The following NAA11 variants were observed in gnomAD, a reference collection of about 807,000 sequenced individuals.
NAA11 encodes N-alpha-acetyltransferase 11, NatA catalytic subunit.
A neutral mutation model predicts 16.1 loss-of-function variants in NAA11; 15 were observed. The ratio of observed to expected loss-of-function variants is 0.93; its 90% CI spans 0.62 to 1.44. The LOEUF is 1.44. Ranked by LOEUF, NAA11 falls within the 40% of genes most tolerant of loss-of-function variation. The pLI, the probability that NAA11 is intolerant of heterozygous loss-of-function variation, is 0.00. For missense variants in NAA11, 298 were observed against 291.3 expected, an observed-to-expected ratio of 1.02 and a Z score of -0.17; for synonymous variants, 122 against 112.4, an observed-to-expected ratio of 1.09 and a Z score of -0.54.
intron 1 of NAA11, among the ~76,000 whole-genome samples, chr4:79,303,471 T>C (rs537112684): frequency 2.0e-5 from 3 of 152,190 alleles, no homozygotes; most frequent in Admixed American, 1.3e-4. Flanking sequence ...CTTTGTTAAT[T>C]ACAGTGATGA....
the NAA11 span, among the ~76,000 whole-genome samples, chr4:79,207,255 G>A: frequency 2.0e-5 from 3 of 151,704 alleles, no homozygotes; most frequent in African/African-American, 7.3e-5. Flanking sequence ...AGTGGTGAAA[G>A]TGGGCAGCGG....
At chr4:79,286,125 T>C (rs955176807) in intron 2 of NAA11, among the ~76,000 whole-genome samples, 1 of 152,126 alleles carries the variant, frequency 6.6e-6, no homozygotes, top group Non-Finnish European at 1.5e-5. Context: ...GCAGAACATA[T>C]GTTGCTCATT....
At chr4:79,237,699 C>A (rs1721600955) in intron 2 of NAA11, among the ~76,000 whole-genome samples, 1 of 152,110 alleles carries the variant, frequency 6.6e-6, no homozygotes, top group South Asian at 2.1e-4. Flanking sequence ...TTGATTAGTG[C>A]AGAAACTTAG....
At chr4:79,219,711 T>C in the NAA11 span, among the ~76,000 whole-genome samples, 1 of 152,222 alleles carries the variant, frequency 6.6e-6, no homozygotes, top group African/African-American at 2.4e-5. Flanking sequence ...TTTTGCTATA[T>C]TACTTTGTAT....
intron 2 of NAA11, chr4:79,259,181 A>C (rs945712247): frequency 2.0e-5 from 3 of 152,698 alleles, no homozygotes; most frequent in African/African-American, 7.2e-5. Context: ...GGCAGGGCTG[A>C]AAGAGCTGTG....
chr4:79,182,082 G>A, the NAA11 span, among the ~76,000 whole-genome samples: 2 of 152,166 alleles, frequency 1.3e-5, no homozygotes, highest in African/African-American at 4.8e-5. Flanking sequence ...AGAGTCACAA[G>A]TAATAACTAT....
chr4:79,254,231 A>G (rs1249463042), intron 2 of NAA11, among the ~76,000 whole-genome samples: 3 of 152,250 alleles, frequency 2.0e-5, no homozygotes, highest in Non-Finnish European at 4.4e-5. Flanking sequence ...GTCCATCACA[A>G]AGGGGGTCCC....
At chr4:79,209,857 C>CA in the NAA11 span, among the ~76,000 whole-genome samples, 4 of 151,954 alleles carry the variant, frequency 2.6e-5, no homozygotes, top group Non-Finnish European at 5.9e-5. Context: ...ACAAGCCTGG[C>CA]AAACACGGCA....
chr4:79,273,755 G>A (rs915059192), intron 2 of NAA11, among the ~76,000 whole-genome samples: 4 of 152,020 alleles, frequency 2.6e-5, no homozygotes, highest in African/African-American at 9.7e-5. Context: ...AAGAAGTTAA[G>A]CATATTGCAG....
intron 2 of NAA11, among the ~76,000 whole-genome samples, chr4:79,273,783 G>A (rs1342777859): frequency 2.6e-5 from 4 of 152,050 alleles, no homozygotes; most frequent in Non-Finnish European, 5.9e-5. Flanking sequence ...ACTCCTCTAA[G>A]CAGAACATGT....
Position 79,325,934 on chromosome 4 carries a change from C to T in NAA11, c.-57G>A, listed in dbSNP as rs1459921892. 4 of 1,495,846 alleles carry T rather than the reference C, an allele frequency of 2.7e-6. No individual in the cohort carries two copies. Among genetic ancestry groups the T allele is most frequent in the Non-Finnish European group, 3.6e-6 (4 of 1,101,394 alleles). 92.7% of individuals were successfully genotyped at this position (1,495,846 alleles called of 1,614,324 possible). ...CAGTGAACCCAGAAGAGGCTGTCGCCGACCTTAAGGGGCACTGTTTGCCTC... is the reference window on the plus strand; with the variant it reads ...CAGTGAACCCAGAAGAGGCTGTCGCTGACCTTAAGGGGCACTGTTTGCCTC... On this transcript the variant is annotated 5_prime_UTR_variant, in exon 1 of 2. Coordinates refer to ENST00000286794, the MANE Select transcript of NAA11 (RefSeq NM_032693.3).
intron 2 of NAA11, chr4:79,227,912 G>C (rs971380603): frequency 6.6e-6 from 1 of 151,912 alleles, no homozygotes; most frequent in Admixed American, 6.6e-5. Context: ...TAGGTATTTC[G>C]TTTCTTTTTA....
At chr4:79,162,418 A>G in the NAA11 span, among the ~76,000 whole-genome samples, 1 of 152,222 alleles carries the variant, frequency 6.6e-6, no homozygotes, top group Non-Finnish European at 1.5e-5. Context: ...TGACATGGAA[A>G]AAGAGACATG....
downstream of NAA11, among the ~76,000 whole-genome samples, chr4:79,311,771 C>A (rs557753509): frequency 6.6e-6 from 1 of 152,206 alleles, no homozygotes; most frequent in African/African-American, 2.4e-5. Flanking sequence ...GCTTAAATAC[C>A]TACTGGATAC....
the NAA11 span, among the ~76,000 whole-genome samples, chr4:79,183,397 T>C: frequency 6.6e-6 from 1 of 151,732 alleles, no homozygotes; most frequent in South Asian, 2.1e-4. Context: ...AATAAAGTTT[T>C]GTTAGAAATA....
chr4:79,226,599 C>G (rs772928433), intron 2 of NAA11, among the ~76,000 whole-genome samples: 2 of 126,102 alleles, frequency 1.6e-5, no homozygotes, highest in African/African-American at 6.1e-5. Flanking sequence ...CCACAACAGG[C>G]ACCAGTGGGT....
rs112598887 is a variant in NAA11 at position 79,301,356 on chromosome 4, C to T, written c.*13-7242G>A. Among the ~76,000 whole-genome samples, 2 of 152,246 alleles carry T rather than the reference C, an allele frequency of 1.3e-5. 1 individual carries two copies. The highest frequency in any genetic ancestry group is 4.8e-5 in the African/African-American group (2 of 41,542). On this transcript the variant is annotated intron_variant and NMD_transcript_variant, in intron 1 of 2. Coordinates refer to the NAA11 transcript ENST00000511542. ...ACTATGAAGAGTTCCTTGAATAGTC[C>T]TGTGCACAATGATCTTTCCTACCTG...
chr4:79,234,847 G>T (rs1721536998), intron 2 of NAA11, among the ~76,000 whole-genome samples: 1 of 151,946 alleles, frequency 6.6e-6, no homozygotes, highest in African/African-American at 2.4e-5. Context: ...AACTACTAAG[G>T]TACTCAGTAT....
intron 1 of NAA11, among the ~76,000 whole-genome samples, chr4:79,318,048 C>A (rs917453361): frequency 2.6e-5 from 4 of 152,170 alleles, no homozygotes; most frequent in African/African-American, 9.7e-5. Context: ...AAGGACATTT[C>A]TGCCAGGAGA....
Sources: gnomAD v4.1 joint callset for allele counts (sites outside exome capture counted in the v4.1 genomes callset) on GRCh38, gnomAD v4.1.1 for gene constraint, MANE v1.5 for transcripts, NCBI Gene and HGNC (gene_info 2026-07-23, HGNC 2026-07-21) for gene names.